ARHGAP15: variants seen among roughly 807,000 people sequenced by gnomAD.
ARHGAP15 encodes the protein rho GTPase-activating protein 15.
A neutral mutation model predicts 63.7 loss-of-function variants in ARHGAP15; 51 were observed. The ratio of observed to expected loss-of-function variants is 0.80; its 90% CI spans 0.64 to 1.01. The LOEUF is 1.01. Among genes scored for constraint, ARHGAP15 ranks in the 50% least tolerant of loss-of-function variants. ARHGAP15 has a pLI of 0.00. For synonymous variants in ARHGAP15, 191 were observed against 193.8 expected, an observed-to-expected ratio of 0.99 and a Z score of 0.12; for missense variants, 560 against 564.6, an observed-to-expected ratio of 0.99 and a Z score of 0.08.
chr2:143,507,591 T>C (rs930879441), intron 9 of ARHGAP15, among the ~76,000 whole-genome samples: 1 of 152,226 alleles, frequency 6.6e-6, no homozygotes, highest in African/African-American at 2.4e-5. Flanking sequence ...TTCATGCAGC[T>C]TCGAATTCCA....
At chr2:143,661,446 GGGA>G (rs1460765261) in intron 12 of ARHGAP15, among the ~76,000 whole-genome samples, 3 of 152,142 alleles carry the variant, frequency 2.0e-5, no homozygotes, top group African/African-American at 7.2e-5. Context: ...TATGAATAGA[GGGA>G]GAAGGAATAA....
At chr2:143,159,476 T>A (rs1690207822) in intron 2 of ARHGAP15, among the ~76,000 whole-genome samples, 1 of 151,930 alleles carries the variant, frequency 6.6e-6, no homozygotes, top group South Asian at 2.1e-4. Flanking sequence ...TTGTATAAAT[T>A]GTCCTGAAGT....
chr2:143,486,201 A>T (rs1692316488), intron 8 of ARHGAP15, among the ~76,000 whole-genome samples: 1 of 152,116 alleles, frequency 6.6e-6, no homozygotes, highest in African/African-American at 2.4e-5. Context: ...CAACAATTGA[A>T]TGAAGGCAGT....
At chr2:143,262,535 A>ATTGTTTTTTTT (rs1680774034) in intron 6 of ARHGAP15, among the ~76,000 whole-genome samples, 1 of 90,924 alleles carries the variant, frequency 1.1e-5, no homozygotes, top group Non-Finnish European at 2.1e-5. Context: ...TGAACCTTTG[A>ATTGTTTTTTTT]TTTTTTTTTT....
intron 2 of ARHGAP15, among the ~76,000 whole-genome samples, chr2:143,166,001 A>AGAAAGAAAGAAAGAAAGAAAGAAG (rs70982847): frequency 3.0e-5 from 3 of 101,158 alleles, no homozygotes; most frequent in Admixed American, 9.4e-5. Flanking sequence ...AAAGAAAGAA[A>AGAAAGAAAGAAAGAAAGAAAGAAG]GAAGGAAGGA....
intron 6 of ARHGAP15, among the ~76,000 whole-genome samples, chr2:143,415,840 T>G (rs1688652476): frequency 6.6e-6 from 1 of 152,158 alleles, no homozygotes; most frequent in East Asian, 1.9e-4. Flanking sequence ...TGGATGAGAT[T>G]GGAGACTATT....
chr2:143,243,785 G>A (rs574156376), intron 5 of ARHGAP15, among the ~76,000 whole-genome samples: 39 of 152,094 alleles, frequency 2.6e-4, no homozygotes, highest in African/African-American at 8.7e-4. Flanking sequence ...TAATAATCTC[G>A]ATTCCCTAAA....
chr2:143,269,229 TGGA>T (rs1681148607), intron 6 of ARHGAP15, among the ~76,000 whole-genome samples: 1 of 152,194 alleles, frequency 6.6e-6, no homozygotes, highest in Non-Finnish European at 1.5e-5. Context: ...TTTGAAAGTC[TGGA>T]GAGCGGTCAG....
intron 6 of ARHGAP15, among the ~76,000 whole-genome samples, chr2:143,396,576 T>A (rs1417683885): frequency 6.6e-6 from 1 of 151,488 alleles, no homozygotes; most frequent in Non-Finnish European, 1.5e-5. Flanking sequence ...GTTTTTTAAG[T>A]ACGCTCCATA....
chr2:143,280,475 C>CACTT (rs1162921023), intron 6 of ARHGAP15, among the ~76,000 whole-genome samples: 1 of 152,114 alleles, frequency 6.6e-6, no homozygotes, highest in Non-Finnish European at 1.5e-5. Flanking sequence ...CACTACCAAC[C>CACTT]ACTTACCTAA....
intron 12 of ARHGAP15, among the ~76,000 whole-genome samples, chr2:143,679,141 TAA>T (rs5834962): frequency 8.4e-4 from 125 of 149,508 alleles, no homozygotes; most frequent in Admixed American, 9.3e-4. Context: ...CCACAAAGGC[TAA>T]AAAAAAAAAA....
chr2:143,640,196 A>T (rs186040011), intron 12 of ARHGAP15, among the ~76,000 whole-genome samples: 92 of 152,212 alleles, frequency 6.0e-4, no homozygotes, highest in African/African-American at 2.2e-3. Context: ...ATGAATTTTT[A>T]AAACAATGTG....
intron 5 of ARHGAP15, among the ~76,000 whole-genome samples, chr2:143,229,372 T>C (rs1693350641): frequency 6.6e-6 from 1 of 152,208 alleles, no homozygotes; most frequent in East Asian, 1.9e-4. Context: ...CTGTAGTTAT[T>C]ACAAAGTGAA....
chr2:143,732,634 T>G (rs1337652022), intron 13 of ARHGAP15, among the ~76,000 whole-genome samples: 3 of 151,956 alleles, frequency 2.0e-5, no homozygotes, highest in East Asian at 3.9e-4. Flanking sequence ...TTCCAGGAGG[T>G]GTTTAAATAA....
At chr2:143,360,146 T>C (rs766691099) in intron 6 of ARHGAP15, among the ~76,000 whole-genome samples, 1 of 151,222 alleles carries the variant, frequency 6.6e-6, no homozygotes, top group Non-Finnish European at 1.5e-5. Context: ...TGGGAGACCA[T>C]GGTAGGAGGA....
At chr2:143,178,476 G>T (rs142667528) in intron 2 of ARHGAP15, among the ~76,000 whole-genome samples, 1,788 of 152,236 alleles carry the variant, frequency 0.012, 41 homozygotes, top group South Asian at 0.1. Flanking sequence ...AGTATCTAAA[G>T]TGACATATAA....
chr2:143,590,668 A>C (rs1697285725), intron 11 of ARHGAP15, among the ~76,000 whole-genome samples: 1 of 151,942 alleles, frequency 6.6e-6, no homozygotes, highest in Non-Finnish European at 1.5e-5. Flanking sequence ...CGCCTTCTAT[A>C]ATGTTTCTGT....
At chr2:143,327,798 C>T (rs771383144) in intron 6 of ARHGAP15, among the ~76,000 whole-genome samples, 7 of 152,070 alleles carry the variant, frequency 4.6e-5, no homozygotes, top group African/African-American at 1.7e-4. Flanking sequence ...AAGAAACTAT[C>T]GTCAGAGTGA....
intron 6 of ARHGAP15, among the ~76,000 whole-genome samples, chr2:143,302,160 G>A (rs961623707): frequency 2.0e-5 from 3 of 151,810 alleles, no homozygotes; most frequent in African/African-American, 7.3e-5. Flanking sequence ...AAATGATCAC[G>A]TAAGATATGA....
Sources: allele counts gnomAD v4.1 joint callset (sites outside exome capture counted in the v4.1 genomes callset), GRCh38; gene constraint gnomAD v4.1.1; transcripts MANE v1.5; gene names NCBI Gene and HGNC (gene_info 2026-07-23, HGNC 2026-07-21).